Variants in TUSC3 observed in about 807,000 individuals in gnomAD.
The protein encoded by TUSC3 is dolichyl-diphosphooligosaccharide--protein glycosyltransferase subunit TUSC3.
A neutral mutation model predicts 44.8 loss-of-function variants in TUSC3; 45 were observed. That is an observed-to-expected ratio of 1.00 (90% confidence interval 0.79 to 1.29). The LOEUF (loss-of-function observed/expected upper bound fraction) is 1.29. Among genes scored for constraint, TUSC3 ranks in the 50% most tolerant of loss-of-function variants. TUSC3 has a pLI of 0.00. For missense variants in TUSC3, 519 were observed against 437.9 expected (o/e 1.19, Z -1.65); for synonymous variants, 212 against 152.9 (o/e 1.39, Z -2.85).
the TUSC3 span, among the ~76,000 whole-genome samples, chr8:15,801,725 C>A: frequency 6.6e-6 from 1 of 152,106 alleles, no homozygotes. Context: ...AGAACGTACC[C>A]TTGCTGGGCT....
At chr8:15,738,831 T>TTTTTTTTTTTC (rs1811054314) in intron 7 of TUSC3, among the ~76,000 whole-genome samples, 2 of 123,714 alleles carry the variant, frequency 1.6e-5, no homozygotes, top group African/African-American at 6.2e-5. Flanking sequence ...ATCTTGCTTT[T>TTTTTTTTTTTC]TTTTTTTTTT....
At chr8:15,606,653 A>G (rs1804541068) in intron 1 of TUSC3, among the ~76,000 whole-genome samples, 1 of 152,094 alleles carries the variant, frequency 6.6e-6, no homozygotes, top group Non-Finnish European at 1.5e-5. Flanking sequence ...TCCTCTCTGT[A>G]GGCATAAATA....
At chr8:15,835,208 T>C in the TUSC3 span, among the ~76,000 whole-genome samples, 3 of 152,254 alleles carry the variant, frequency 2.0e-5, no homozygotes, top group African/African-American at 7.2e-5. Flanking sequence ...AATCATCCTT[T>C]ACATTCAGGT....
At chr8:15,474,339 A>G (rs1009549892) in intron 1 of TUSC3, among the ~76,000 whole-genome samples, 3 of 151,972 alleles carry the variant, frequency 2.0e-5, no homozygotes, top group Non-Finnish European at 4.4e-5. Flanking sequence ...GAGGTGATGT[A>G]CATCCTCAGC....
At chr8:15,695,238 G>T (rs1027302439) in intron 6 of TUSC3, among the ~76,000 whole-genome samples, 15 of 152,184 alleles carry the variant, frequency 9.9e-5, no homozygotes, top group African/African-American at 3.6e-4. Context: ...TCATGGGAGG[G>T]ACCCAGTGGG....
the TUSC3 span, among the ~76,000 whole-genome samples, chr8:15,821,898 T>A: frequency 6.6e-6 from 1 of 152,330 alleles, no homozygotes; most frequent in African/African-American, 2.4e-5. Context: ...ACCACCATTC[T>A]AGTTGCTCTG....
At chr8:15,432,496 C>T (rs1201663852) in intron 1 of TUSC3, among the ~76,000 whole-genome samples, 2 of 152,038 alleles carry the variant, frequency 1.3e-5, no homozygotes, top group East Asian at 1.9e-4. Flanking sequence ...CATTCTCTGC[C>T]AAGTCTGGTT....
chr8:15,425,004 A>G (rs1446609740), intron 1 of TUSC3, among the ~76,000 whole-genome samples: 2 of 152,146 alleles, frequency 1.3e-5, no homozygotes, highest in Admixed American at 6.5e-5. Flanking sequence ...AAAATGTGCT[A>G]TTTGCATAAG....
chr8:15,800,749 A>T, the TUSC3 span, among the ~76,000 whole-genome samples: 1 of 152,146 alleles, frequency 6.6e-6, no homozygotes, highest in African/African-American at 2.4e-5. Flanking sequence ...ATGCATACTG[A>T]GACGTTCATG....
At chr8:15,710,555 G>A (rs1382446363) in intron 6 of TUSC3, among the ~76,000 whole-genome samples, 1 of 151,638 alleles carries the variant, frequency 6.6e-6, no homozygotes, top group Non-Finnish European at 1.5e-5. Flanking sequence ...CATGAAAAAG[G>A]AAACACTTGT....
chr8:15,509,731 A>C (rs1801107181), intron 2 of TUSC3, among the ~76,000 whole-genome samples: 1 of 152,196 alleles, frequency 6.6e-6, no homozygotes, highest in Non-Finnish European at 1.5e-5. Flanking sequence ...TCATCTCTAA[A>C]TGCAGATGAT....
intron 1 of TUSC3, among the ~76,000 whole-genome samples, chr8:15,421,815 C>A (rs542780111): frequency 3.3e-5 from 5 of 152,100 alleles, no homozygotes; most frequent in African/African-American, 4.8e-5. Flanking sequence ...TAGGATGACA[C>A]GTGCCTAGTC....
chr8:15,671,203 G>C (rs1807934457), intron 5 of TUSC3, among the ~76,000 whole-genome samples: 1 of 151,940 alleles, frequency 6.6e-6, no homozygotes, highest in Non-Finnish European at 1.5e-5. Flanking sequence ...CCTTGGGCAG[G>C]TTATGTAGAT....
intron 1 of TUSC3, among the ~76,000 whole-genome samples, chr8:15,573,200 CTCTATATATATATA>C (rs1380824742): frequency 1.0e-5 from 1 of 99,556 alleles, no homozygotes; most frequent in African/African-American, 4.2e-5. Context: ...CTCTCTCTCT[CTCTATATATATATA>C]TATATATATA....
chr8:15,577,773 C>T (rs1803172560), intron 1 of TUSC3, among the ~76,000 whole-genome samples: 1 of 143,916 alleles, frequency 6.9e-6, no homozygotes, highest in Non-Finnish European at 1.5e-5. Flanking sequence ...GTTCTTTTGG[C>T]TTAGGATTGA....
At chr8:15,841,467 G>A in the TUSC3 span, among the ~76,000 whole-genome samples, 6 of 151,776 alleles carry the variant, frequency 4.0e-5, no homozygotes, top group Admixed American at 2.0e-4. Flanking sequence ...TTAGAAATCT[G>A]TTATACTAAT....
intron 1 of TUSC3, among the ~76,000 whole-genome samples, chr8:15,549,722 G>A (rs569779984): frequency 1.3e-5 from 2 of 151,590 alleles, no homozygotes; most frequent in Admixed American, 6.6e-5. Flanking sequence ...AGTTTTTCTC[G>A]TACTCATAAT....
At chr8:15,578,036 T>C (rs971885182) in intron 1 of TUSC3, among the ~76,000 whole-genome samples, 3 of 150,514 alleles carry the variant, frequency 2.0e-5, no homozygotes, top group East Asian at 1.9e-4. Flanking sequence ...TCACATCCCT[T>C]GTAAGTTGGA....
intron 1 of TUSC3, among the ~76,000 whole-genome samples, chr8:15,581,661 G>A (rs954763627): frequency 6.7e-6 from 1 of 149,390 alleles, no homozygotes; most frequent in African/African-American, 2.5e-5. Context: ...CACTTGAGGA[G>A]GCAGTCTGCC....
Sources: gnomAD v4.1 joint callset for allele counts (sites outside exome capture counted in the v4.1 genomes callset) on GRCh38, gnomAD v4.1.1 for gene constraint, MANE v1.5 for transcripts, NCBI Gene and HGNC (gene_info 2026-07-23, HGNC 2026-07-21) for gene names.